HBS1L: variants seen among roughly 807,000 people sequenced by gnomAD.
The protein encoded by HBS1L is HBS1 like translational GTPase.
A neutral mutation model predicts 88.9 loss-of-function variants in HBS1L; 55 were observed. The ratio of observed to expected loss-of-function variants is 0.62; its 90% CI spans 0.50 to 0.77. The LOEUF (loss-of-function observed/expected upper bound fraction) is 0.77. Among genes scored for constraint, HBS1L ranks in the 30% least tolerant of loss-of-function variants. The pLI is 0.00. For synonymous variants in HBS1L, 267 were observed against 288.5 expected, an observed-to-expected ratio of 0.93 and a Z score of 0.76; for missense variants, 741 against 829.3, an observed-to-expected ratio of 0.89 and a Z score of 1.31.
chr6:134,997,030 A>G (rs1442230392), intron 6 of HBS1L, 88 bp from the exon 7 acceptor site: 1 of 984,292 alleles, frequency 1.0e-6, no homozygotes, highest in East Asian at 2.4e-5. Context: ...TCAATATTTC[A>G]TGTCAGTGGT....
chr6:134,967,329 A>G (rs960848581), intron 16 of HBS1L, among the ~76,000 whole-genome samples: 1 of 150,510 alleles, frequency 6.6e-6, no homozygotes, highest in African/African-American at 2.5e-5. Flanking sequence ...AGAAGGTTCT[A>G]AAAAAATACA....
chr6:135,049,559 T>C (rs536755573), intron 2 of HBS1L, among the ~76,000 whole-genome samples: 13 of 152,342 alleles, frequency 8.5e-5, no homozygotes, highest in Admixed American at 5.2e-4. Context: ...ACTCTTTTTA[T>C]ACCATATTAA....
chr6:134,983,021 A>C (rs1169565920), intron 12 of HBS1L: 1 of 152,428 alleles, frequency 6.6e-6, no homozygotes, highest in African/African-American at 2.4e-5. Context: ...TGGCACTCTG[A>C]AGAAGGAATA....
intron 4 of HBS1L, among the ~76,000 whole-genome samples, chr6:135,008,088 T>C (rs1775663349): frequency 6.6e-6 from 1 of 152,158 alleles, no homozygotes; most frequent in Admixed American, 6.5e-5. Flanking sequence ...AAAAATAAAA[T>C]GCACCATTCC....
chr6:134,980,104 T>C lies in HBS1L; in HGVS notation c.1598-836A>G, dbSNP rs547440592. The stretch of plus-strand genomic sequence containing the variant: ...GATTAAGTTCCTTTCCATAGAAATG[T>C]AGGCCTTTTGACAAAGAGAATGTGT... On this transcript the variant is annotated intron_variant, in intron 13 of 17. Transcript: ENST00000367837. Among the ~76,000 whole-genome samples, 33 of 152,160 alleles carry C rather than the reference T, an allele frequency of 2.2e-4. No individual in the cohort carries two copies. In the South Asian group the frequency reaches 6.6e-3, roughly 31 times the overall value.
At chr6:135,037,033 T>A (rs1776575051) in intron 4 of HBS1L, 5 of 1,551,520 alleles carry the variant, frequency 3.2e-6, no homozygotes, top group Middle Eastern at 3.3e-4. Flanking sequence ...TAAACTGACC[T>A]CAAAGGACTC....
At chr6:135,006,493 A>T (rs1237232857) in intron 4 of HBS1L, among the ~76,000 whole-genome samples, 1 of 152,168 alleles carries the variant, frequency 6.6e-6, no homozygotes, top group Non-Finnish European at 1.5e-5. Context: ...TCACTAGATG[A>T]CAGCAGTAAA....
At chr6:135,048,073 G>T (rs1255214253) in intron 2 of HBS1L, among the ~76,000 whole-genome samples, 1 of 152,166 alleles carries the variant, frequency 6.6e-6, no homozygotes. Context: ...ATGCTGGATT[G>T]AAGTCACTGC....
rs188888199 is a variant in HBS1L, at chr6:135,024,638, C to T, written c.430+14935G>A. 3.1e-3 allele frequency among the ~76,000 whole-genome samples: 463 copies of T among 150,214 alleles called. 3 individuals are homozygous for T. Among genetic ancestry groups the T allele is most frequent in the African/African-American group, 7.9e-3 (325 of 41,070 alleles). ...TCCACAATTTTATTACCCAAATATGCGCCTTTTTAGCAGTTCATTCATGGG... is the reference window on the plus strand; with the variant it reads ...TCCACAATTTTATTACCCAAATATGTGCCTTTTTAGCAGTTCATTCATGGG... On this transcript the variant is annotated intron_variant, in intron 4 of 17. Coordinates refer to ENST00000367837, the MANE Select transcript of HBS1L (RefSeq NM_006620.4).
chr6:135,003,585 A>C (rs978241042), intron 4 of HBS1L, among the ~76,000 whole-genome samples: 6 of 150,484 alleles, frequency 4.0e-5, no homozygotes, highest in African/African-American at 1.5e-4. Context: ...AAAAAAAAAA[A>C]GGCCAGGCAC....
intron 4 of HBS1L, among the ~76,000 whole-genome samples, chr6:135,023,431 G>A (rs538917845): frequency 2.7e-5 from 4 of 146,432 alleles, no homozygotes; most frequent in Admixed American, 6.9e-5. Flanking sequence ...GCAACAGAGC[G>A]AGACTCCATC....
chr6:135,037,646 T>C, intron 4 of HBS1L: 12 of 1,549,338 alleles, frequency 7.7e-6, no homozygotes, highest in Non-Finnish European at 1.0e-5. Context: ...TCTTTGGAAA[T>C]GCATTCAGAT....
chr6:135,023,992 T>G (rs1172365822), intron 4 of HBS1L, among the ~76,000 whole-genome samples: 2 of 151,904 alleles, frequency 1.3e-5, no homozygotes, highest in Non-Finnish European at 2.9e-5. Flanking sequence ...GAAATAAAAT[T>G]AATCCAGTGG....
chr6:134,983,510 ACTAAGGACAAGAT>A (rs921922906), intron 12 of HBS1L: 2 of 152,118 alleles, frequency 1.3e-5, no homozygotes, highest in Non-Finnish European at 2.9e-5. Context: ...GAGATATGAA[ACTAAGGACAAGAT>A]CCATTTTAGG....
At chr6:135,037,453 A>C (rs778208363) in intron 4 of HBS1L, 1 of 1,549,718 alleles carries the variant, frequency 6.5e-7, no homozygotes, top group South Asian at 1.2e-5. Context: ...TAAATTATCA[A>C]CAGTCATATT....
chr6:134,986,700 G>T, intron 10 of HBS1L, 36 bp downstream of exon 10: 1 of 1,173,166 alleles, frequency 8.5e-7, no homozygotes, highest in Non-Finnish European at 1.2e-6. Context: ...GATGACTTAA[G>T]GAAAGTAATA....
chr6:135,048,556 T>A (rs988134798), intron 2 of HBS1L, among the ~76,000 whole-genome samples: 1 of 152,214 alleles, frequency 6.6e-6, no homozygotes, highest in African/African-American at 2.4e-5. Context: ...AAGTCACAGC[T>A]GCAAGGAGCC....
rs113509691 is a variant in HBS1L at position 134,986,362 on chromosome 6, T to C, written c.1306-179A>G. Among the ~76,000 whole-genome samples, 904 of 152,254 alleles carry C rather than the reference T, an allele frequency of 5.9e-3. 8 individuals are homozygous for C. Among genetic ancestry groups the C allele is most frequent in the African/African-American group, 0.017 (722 of 41,560 alleles). On this transcript the variant is annotated intron_variant, in intron 10 of 17. Transcript: ENST00000367837. ...ATCCAATAATTTTCAACTTTTTTGA[T>C]TGGGAAACTTGCAAATTTATTCCAA...
chr6:135,010,457 C>T (rs1048481532), intron 4 of HBS1L, among the ~76,000 whole-genome samples: 7 of 151,984 alleles, frequency 4.6e-5, no homozygotes, highest in African/African-American at 1.7e-4. Context: ...AGTTTGTTAT[C>T]AGTATATGTT....
Sources: gnomAD v4.1 joint callset for allele counts (sites outside exome capture counted in the v4.1 genomes callset) on GRCh38, gnomAD v4.1.1 for gene constraint, MANE v1.5 for transcripts, NCBI Gene and HGNC (gene_info 2026-07-23, HGNC 2026-07-21) for gene names.